OR2C1: variants seen among roughly 807,000 people sequenced by gnomAD.
OR2C1 encodes olfactory receptor family 2 subfamily C member 1.
For synonymous variants in OR2C1, 209 were observed against 167.3 expected (o/e 1.25, Z -1.92); for missense variants, 468 against 388.3 (o/e 1.21, Z -1.73).
chr16:3,331,692 A>T, the OR2C1 span, among the ~76,000 whole-genome samples: 8 of 152,110 alleles, frequency 5.3e-5, no homozygotes. Context: ...AAGATCAGAT[A>T]GTTGTAGATT....
chr16:3,331,472 T>A, the OR2C1 span, among the ~76,000 whole-genome samples: 2,538 of 151,322 alleles, frequency 0.017, 77 homozygotes, highest in African/African-American at 0.058. Flanking sequence ...CATGCCTATG[T>A]CCTGAATGGT....
At chr16:3,329,155 G>A in the OR2C1 span, among the ~76,000 whole-genome samples, 2 of 121,636 alleles carry the variant, frequency 1.6e-5, no homozygotes, top group African/African-American at 6.7e-5. Context: ...GCATCAGGAA[G>A]GGATGGGAGG....
At chr16:3,331,515 T>G in the OR2C1 span, among the ~76,000 whole-genome samples, 5 of 150,802 alleles carry the variant, frequency 3.3e-5, no homozygotes, top group Non-Finnish European at 7.4e-5. Flanking sequence ...GTTTTTATGG[T>G]TTTAGGTCTA....
the OR2C1 span, among the ~76,000 whole-genome samples, chr16:3,345,639 A>C: frequency 6.6e-6 from 1 of 152,310 alleles, no homozygotes; most frequent in East Asian, 1.9e-4. Context: ...ATTACATATC[A>C]AACACATCAA....
At chr16:3,342,424 C>G in the OR2C1 span, among the ~76,000 whole-genome samples, 28 of 152,150 alleles carry the variant, frequency 1.8e-4, no homozygotes. Context: ...GGCCTAAGAA[C>G]TATTGCAAAT....
At chr16:3,348,803 A>C in the OR2C1 span, among the ~76,000 whole-genome samples, 5 of 152,170 alleles carry the variant, frequency 3.3e-5, no homozygotes, top group African/African-American at 9.7e-5. Flanking sequence ...TTACGTGTTT[A>C]TTGAATAGTG....
the OR2C1 span, among the ~76,000 whole-genome samples, chr16:3,349,315 G>T: frequency 6.6e-6 from 1 of 152,166 alleles, no homozygotes; most frequent in Admixed American, 6.5e-5. Context: ...TTTTTCCTGT[G>T]TTCCGGCCAC....
At chr16:3,350,055 CTTTTTTTTTT>C in the OR2C1 span, among the ~76,000 whole-genome samples, 3 of 102,734 alleles carry the variant, frequency 2.9e-5, no homozygotes, top group Non-Finnish European at 5.4e-5. Flanking sequence ...AAAAGGGAAT[CTTTTTTTTTT>C]TTTTTTTTTT....
At chr16:3,353,968 T>TAC (rs2030614696), upstream of OR2C1, among the ~76,000 whole-genome samples, 1 of 141,142 alleles carries the variant, frequency 7.1e-6, no homozygotes, top group African/African-American at 2.7e-5. Flanking sequence ...TGTTTGTTTG[T>TAC]TTTTCTTTTC....
the OR2C1 span, among the ~76,000 whole-genome samples, chr16:3,347,125 T>C: frequency 5.9e-3 from 892 of 150,134 alleles, 14 homozygotes; most frequent in African/African-American, 0.02. Flanking sequence ...TGCGTGCCTG[T>C]AGTCCCAGCT....
the OR2C1 span, among the ~76,000 whole-genome samples, chr16:3,346,624 CTT>C: frequency 3.7e-4 from 48 of 128,034 alleles, no homozygotes; most frequent in African/African-American, 5.0e-4. Flanking sequence ...GTCCATGCAT[CTT>C]TTTTTTTTTT....
downstream of OR2C1, among the ~76,000 whole-genome samples, chr16:3,357,585 G>C (rs950290345): frequency 5.9e-5 from 9 of 152,042 alleles, no homozygotes; most frequent in Non-Finnish European, 1.0e-4. Context: ...AACAGCCCAG[G>C]CTGGTCTAGA....
chr16:3,352,531 A>G (rs952167210), upstream of OR2C1, among the ~76,000 whole-genome samples: 8 of 152,190 alleles, frequency 5.3e-5, no homozygotes, highest in Admixed American at 1.3e-4. Flanking sequence ...AATAATTTAC[A>G]TAAATTTACT....
upstream of OR2C1, chr16:3,355,887 T>C: frequency 7.3e-7 from 1 of 1,362,972 alleles, no homozygotes; most frequent in South Asian, 1.4e-5. Context: ...TCTTGACTTT[T>C]CTTCCAGCAG....
chr16:3,348,265 G>A, the OR2C1 span, among the ~76,000 whole-genome samples: 160 of 152,296 alleles, frequency 1.1e-3, no homozygotes, highest in Non-Finnish European at 1.4e-3. Flanking sequence ...ATTTAAGAGA[G>A]GACTTGCAGA....
At chr16:3,345,245 GATCATGAGGTCGGCA>G in the OR2C1 span, among the ~76,000 whole-genome samples, 1 of 152,054 alleles carries the variant, frequency 6.6e-6, no homozygotes, top group African/African-American at 2.4e-5. Context: ...GAGGTGGGCA[GATCATGAGGTCGGCA>G]GATCACGAGG....
upstream of OR2C1, among the ~76,000 whole-genome samples, chr16:3,351,171 C>T (rs949498295): frequency 1.3e-5 from 2 of 149,924 alleles, no homozygotes; most frequent in African/African-American, 2.5e-5. Context: ...AATGCCCTAT[C>T]GTAATTTCTC....
chr16:3,333,210 CAT>C, the OR2C1 span, among the ~76,000 whole-genome samples: 302 of 33,030 alleles, frequency 9.1e-3, 87 homozygotes, highest in Non-Finnish European at 0.013. Flanking sequence ...ATCTTTTGCC[CAT>C]TTTTTTTTTT....
chr16:3,343,255 A>G, the OR2C1 span, among the ~76,000 whole-genome samples: 3 of 152,004 alleles, frequency 2.0e-5, no homozygotes, highest in East Asian at 5.8e-4. Flanking sequence ...CAACAAAGGA[A>G]ATCTTCAGCT....
Sources: gnomAD v4.1 joint callset for allele counts (sites outside exome capture counted in the v4.1 genomes callset) on GRCh38, gnomAD v4.1.1 for gene constraint, MANE v1.5 for transcripts, NCBI Gene and HGNC (gene_info 2026-07-23, HGNC 2026-07-21) for gene names.